The following WDFY3 variants were observed in gnomAD, a reference collection of about 807,000 sequenced individuals.
WDFY3 encodes the protein WD repeat and FYVE domain-containing protein 3.
A neutral mutation model predicts 409.6 loss-of-function variants in WDFY3; 66 were observed. The observed-to-expected ratio is 0.16, with a 90% confidence interval of 0.13 to 0.20. The LOEUF is 0.20. Ranked by LOEUF, WDFY3 falls within the 10% of genes least tolerant of loss-of-function variation. The pLI, the probability that WDFY3 is intolerant of heterozygous loss-of-function variation, is 1.00. For synonymous variants in WDFY3, 1,521 were observed against 1,537.1 expected (o/e 0.99, Z 0.25); for missense variants, 3,031 against 4,298.1 (o/e 0.71, Z 8.24).
intron 32 of WDFY3, among the ~76,000 whole-genome samples, chr4:84,763,446 T>C (rs562209857): frequency 2.0e-5 from 3 of 152,030 alleles, no homozygotes; most frequent in Admixed American, 2.0e-4. Flanking sequence ...GCTTAAAACC[T>C]AGATGACGGG....
intron 7 of WDFY3, among the ~76,000 whole-genome samples, 192 bp downstream of exon 7, chr4:84,836,737 T>C (rs1001293416): frequency 5.9e-5 from 9 of 152,184 alleles, no homozygotes; most frequent in African/African-American, 2.2e-4. Context: ...CTCACTCAAA[T>C]ATTCCTGAAA....
At chr4:84,809,607 A>C (rs531224785) in intron 14 of WDFY3, 1 of 306,052 alleles carries the variant, frequency 3.3e-6, no homozygotes, top group South Asian at 6.3e-5. Context: ...AACAGTAAAC[A>C]CTATCATTAA....
At chr4:84,801,532 ATAT>A in intron 17 of WDFY3, 115 bp downstream of exon 17, 1 of 1,021,262 alleles carries the variant, frequency 9.8e-7, no homozygotes, top group Middle Eastern at 3.4e-4. Context: ...CATTTTTGTT[ATAT>A]TTTGCCCATA....
chr4:84,781,398 T>G (rs956244106), intron 25 of WDFY3, among the ~76,000 whole-genome samples: 5 of 149,486 alleles, frequency 3.3e-5, no homozygotes, highest in Admixed American at 6.7e-5. Context: ...TTTTGTTTTT[T>G]TTTTTTTTTT....
At chr4:84,774,067 G>A (rs1412562759) in intron 29 of WDFY3, among the ~76,000 whole-genome samples, 4 of 152,206 alleles carry the variant, frequency 2.6e-5, no homozygotes, top group Non-Finnish European at 5.9e-5. Flanking sequence ...AAAAAAGTGA[G>A]TGACTTACAA....
chr4:84,821,032 T>C (rs1249998263), intron 11 of WDFY3, 52 bp downstream of exon 11: 1 of 1,458,512 alleles, frequency 6.9e-7, no homozygotes, highest in East Asian at 2.4e-5. Context: ...CAAAAAATTC[T>C]CTGTTTTGAA....
At chr4:84,825,365 T>A (rs1754703079) in intron 10 of WDFY3, among the ~76,000 whole-genome samples, 1 of 151,750 alleles carries the variant, frequency 6.6e-6, no homozygotes, top group South Asian at 2.1e-4. Context: ...CTATTTTTTT[T>A]TTTTTTTTTG....
chr4:84,797,877 C>T lies in WDFY3; in HGVS notation c.2935+119G>A, dbSNP rs975021946. 10 of 953,384 alleles carry T rather than the reference C, an allele frequency of 1.0e-5. No individual in the cohort carries two copies. The African/African-American group carries it at 1.5e-4, about 14-fold the overall frequency. The allele number at this position is 953,384 out of a possible 1,614,324, so 59.1% of individuals were successfully genotyped here. ...TGAGCCACCGCGCCGGGCCTGTTTCCCTATTTAAATAATAAACCCTTCTCT... is the reference window on the plus strand; with the variant it reads ...TGAGCCACCGCGCCGGGCCTGTTTCTCTATTTAAATAATAAACCCTTCTCT... On this transcript the variant is annotated intron_variant, in intron 18 of 67. Coordinates refer to ENST00000295888, the MANE Select transcript of WDFY3 (RefSeq NM_014991.6).
chr4:84,818,398 T>G (rs1753616501), intron 12 of WDFY3, among the ~76,000 whole-genome samples: 1 of 152,172 alleles, frequency 6.6e-6, no homozygotes, highest in South Asian at 2.1e-4. Context: ...TTTATATCTC[T>G]ATTATGGTTT....
chr4:84,781,918 T>A (rs779683279), intron 25 of WDFY3, among the ~76,000 whole-genome samples: 1 of 152,148 alleles, frequency 6.6e-6, no homozygotes, highest in Non-Finnish European at 1.5e-5. Flanking sequence ...AAATTGCCAA[T>A]GACTAATAAA....
chr4:84,922,867 G>A (rs866326839), intron 2 of WDFY3, among the ~76,000 whole-genome samples: 4 of 152,074 alleles, frequency 2.6e-5, no homozygotes, highest in Non-Finnish European at 4.4e-5. Context: ...TTATAAGCGG[G>A]AGCCACCACA....
intron 64 of WDFY3, among the ~76,000 whole-genome samples, chr4:84,680,042 C>G (rs1727092902): frequency 6.6e-6 from 1 of 151,894 alleles, no homozygotes; most frequent in South Asian, 2.1e-4. Context: ...AGGCACCCAC[C>G]ACCACACCTG....
intron 9 of WDFY3, among the ~76,000 whole-genome samples, 173 bp downstream of exon 9, chr4:84,828,831 C>A (rs145273244): frequency 2.0e-5 from 3 of 152,166 alleles, no homozygotes; most frequent in South Asian, 2.1e-4. Flanking sequence ...CCCAGGAATA[C>A]GAAGCTACAG....
intron 30 of WDFY3, among the ~76,000 whole-genome samples, chr4:84,770,534 C>T (rs749508879): frequency 4.6e-5 from 7 of 152,246 alleles, no homozygotes; most frequent in East Asian, 3.9e-4. Flanking sequence ...CTAGAACTAA[C>T]GCTCAGGCTA....
chr4:84,891,540 A>C (rs778843764), intron 3 of WDFY3, among the ~76,000 whole-genome samples: 2 of 152,208 alleles, frequency 1.3e-5, no homozygotes, highest in Non-Finnish European at 2.9e-5. Flanking sequence ...CTAGGAGCAT[A>C]AACCACCTAA....
At position 84,923,400 on chromosome 4, in the gene WDFY3, A is replaced by G. The variant is rs1042688551; in HGVS notation, c.-132+8870T>C. On this transcript the variant is annotated intron_variant, in intron 2 of 67. Coordinates refer to ENST00000295888, the MANE Select transcript of WDFY3 (RefSeq NM_014991.6). ...AGCCCAAGCCCCCCCACCTTATTAC[A>G]TTTTTTGCAAGTTACTGCTTTTTGT... Among the ~76,000 whole-genome samples, 6 of 151,936 alleles carry G rather than the reference A, an allele frequency of 3.9e-5. No individual in the cohort carries two copies. In the East Asian group the frequency reaches 1.2e-3, roughly 29 times the overall value.
intron 2 of WDFY3, among the ~76,000 whole-genome samples, chr4:84,902,190 G>A (rs1248121709): frequency 1.3e-5 from 2 of 152,160 alleles, no homozygotes; most frequent in African/African-American, 4.8e-5. Flanking sequence ...TACATGGTCT[G>A]CAATTTTCTT....
chr4:84,835,284 G>C (rs1756415322), intron 7 of WDFY3, among the ~76,000 whole-genome samples: 2 of 152,150 alleles, frequency 1.3e-5, no homozygotes, highest in Admixed American at 6.5e-5. Context: ...ATTGAAATGA[G>C]GCTGCTATTC....
At chr4:84,875,183 G>A (rs1195773277) in intron 3 of WDFY3, among the ~76,000 whole-genome samples, 2 of 151,442 alleles carry the variant, frequency 1.3e-5, no homozygotes, top group Non-Finnish European at 2.9e-5. Flanking sequence ...CAGGAGAATC[G>A]CTTGAACCCA....
Sources: gnomAD v4.1 joint callset for allele counts (sites outside exome capture counted in the v4.1 genomes callset) on GRCh38, gnomAD v4.1.1 for gene constraint, MANE v1.5 for transcripts, NCBI Gene and HGNC (gene_info 2026-07-23, HGNC 2026-07-21) for gene names.